PTPRD: variants seen among roughly 807,000 people sequenced by gnomAD.
PTPRD encodes protein tyrosine phosphatase receptor type D.
A neutral mutation model predicts 214.5 loss-of-function variants in PTPRD; 34 were observed. The ratio of observed to expected loss-of-function variants is 0.16; its 90% CI spans 0.12 to 0.21. The LOEUF (loss-of-function observed/expected upper bound fraction) is 0.21. Among genes scored for constraint, PTPRD ranks in the 10% least tolerant of loss-of-function variants. PTPRD has a pLI of 1.00. For synonymous variants in PTPRD, 1,128 were observed against 845.7 expected (o/e 1.33, Z -5.79); for missense variants, 2,545 against 2,398.7 (o/e 1.06, Z -1.27).
chr9:9,972,075 G>A (rs1247372154), intron 4 of PTPRD, among the ~76,000 whole-genome samples: 2 of 152,014 alleles, frequency 1.3e-5, no homozygotes, highest in Non-Finnish European at 2.9e-5. Flanking sequence ...AGCCACAGTT[G>A]CAGCATTTGA....
intron 5 of PTPRD, among the ~76,000 whole-genome samples, chr9:9,872,589 C>G (rs969047703): frequency 6.6e-6 from 1 of 151,926 alleles, no homozygotes; most frequent in Non-Finnish European, 1.5e-5. Context: ...GGCCCTGTGT[C>G]AAAACAACCA....
At chr9:8,616,377 A>G (rs2095612957) in intron 14 of PTPRD, among the ~76,000 whole-genome samples, 1 of 152,098 alleles carries the variant, frequency 6.6e-6, no homozygotes, top group South Asian at 2.1e-4. Flanking sequence ...TCATAACTTC[A>G]TTTTGCACTA....
intron 11 of PTPRD, among the ~76,000 whole-genome samples, chr9:8,971,367 A>G (rs941108311): frequency 6.6e-6 from 1 of 151,816 alleles, no homozygotes; most frequent in Non-Finnish European, 1.5e-5. Context: ...CTGCCTGTTC[A>G]AAGTCAATAT....
chr9:10,133,634 C>A (rs1196076296), intron 3 of PTPRD, among the ~76,000 whole-genome samples: 1 of 151,830 alleles, frequency 6.6e-6, no homozygotes, highest in African/African-American at 2.4e-5. Context: ...AACTATAAGT[C>A]CACCATAATA....
intron 8 of PTPRD, among the ~76,000 whole-genome samples, chr9:9,532,816 T>C (rs1324076439): frequency 2.0e-5 from 3 of 152,140 alleles, no homozygotes; most frequent in Non-Finnish European, 4.4e-5. Context: ...AAAAAAGTAC[T>C]TACAACTGTC....
intron 43 of PTPRD, among the ~76,000 whole-genome samples, chr9:8,335,025 T>C (rs1845205241): frequency 6.6e-6 from 1 of 152,018 alleles, no homozygotes; most frequent in Non-Finnish European, 1.5e-5. Context: ...ATTAATAGCC[T>C]AGCAACCAAA....
chr9:9,913,275 C>G (rs957843850), intron 5 of PTPRD, among the ~76,000 whole-genome samples: 1 of 152,056 alleles, frequency 6.6e-6, no homozygotes, highest in African/African-American at 2.4e-5. Context: ...GATAAGGAGT[C>G]TTGATATTAG....
chr9:10,092,902 C>T (rs2098446620), intron 3 of PTPRD, among the ~76,000 whole-genome samples: 2 of 151,376 alleles, frequency 1.3e-5, no homozygotes, highest in Non-Finnish European at 3.0e-5. Context: ...CCGCCATATA[C>T]AGACGAATGA....
intron 10 of PTPRD, among the ~76,000 whole-genome samples, chr9:9,105,690 T>A (rs944777469): frequency 1.3e-5 from 2 of 152,106 alleles, no homozygotes; most frequent in African/African-American, 2.4e-5. Context: ...GGAGAGTGGA[T>A]TAAACATACT....
intron 4 of PTPRD, among the ~76,000 whole-genome samples, chr9:10,025,487 T>C (rs566966699): frequency 6.6e-6 from 1 of 151,804 alleles, no homozygotes; most frequent in East Asian, 1.9e-4. Flanking sequence ...TACAAACCAT[T>C]AGACAGCCAG....
intron 3 of PTPRD, among the ~76,000 whole-genome samples, chr9:10,093,244 A>T: frequency 6.6e-6 from 1 of 151,654 alleles, no homozygotes; most frequent in Non-Finnish European, 1.5e-5. Flanking sequence ...AACTTAAATC[A>T]ACAAGCAAAA....
At chr9:9,038,901 G>T (rs1034227196) in intron 10 of PTPRD, among the ~76,000 whole-genome samples, 14 of 151,988 alleles carry the variant, frequency 9.2e-5, no homozygotes, top group Non-Finnish European at 1.9e-4. Flanking sequence ...CTCCCAGGAA[G>T]GTTTTTTGTT....
intron 10 of PTPRD, among the ~76,000 whole-genome samples, chr9:9,150,374 T>C (rs2099875652): frequency 6.7e-6 from 1 of 150,342 alleles, no homozygotes; most frequent in Non-Finnish European, 1.5e-5. Context: ...GCACAGTCTT[T>C]TACATCATGG....
intron 3 of PTPRD, among the ~76,000 whole-genome samples, chr9:10,174,630 T>A (rs2099235056): frequency 6.6e-6 from 1 of 152,102 alleles, no homozygotes; most frequent in African/African-American, 2.4e-5. Context: ...AATTTAAATT[T>A]TTTTACATTT....
intron 11 of PTPRD, among the ~76,000 whole-genome samples, chr9:8,933,894 A>G (rs1403133155): frequency 1.3e-5 from 2 of 152,170 alleles, no homozygotes; most frequent in African/African-American, 2.4e-5. Flanking sequence ...CAAATCTAGT[A>G]TTCCTTCTGG....
chr9:8,504,252 G>A lies in PTPRD; in HGVS notation c.1822+9C>T, dbSNP rs2137212739. 1 of 1,613,854 alleles carries A rather than the reference G, an allele frequency of 6.2e-7. No individual in the cohort carries two copies. Among genetic ancestry groups the A allele is most frequent in the Non-Finnish European group, 8.5e-7 (1 of 1,179,888 alleles). On this transcript the variant is annotated intron_variant, in intron 23 of 45. Coordinates refer to ENST00000381196, the MANE Select transcript of PTPRD (RefSeq NM_002839.4). ...AAAAGGCAGAAAGTAAGCAAAGAGA[G>A]ACACCTACTTGACTGCATGGTTCTA...
intron 4 of PTPRD, among the ~76,000 whole-genome samples, chr9:9,960,993 G>A: frequency 6.6e-6 from 1 of 152,100 alleles, no homozygotes; most frequent in Admixed American, 6.5e-5. Flanking sequence ...ATCAACAAGT[G>A]GGTGAAAGAT....
At chr9:8,474,084 T>C (rs1016338721) in intron 30 of PTPRD, among the ~76,000 whole-genome samples, 3 of 152,150 alleles carry the variant, frequency 2.0e-5, no homozygotes, top group Non-Finnish European at 4.4e-5. Context: ...GCTGTGGATC[T>C]ATCCCTCCTC....
intron 9 of PTPRD, among the ~76,000 whole-genome samples, chr9:9,268,411 A>T (rs1217504257): frequency 1.3e-5 from 2 of 151,282 alleles, no homozygotes; most frequent in Admixed American, 6.6e-5. Flanking sequence ...TTGAAAAAAA[A>T]ATCATTATTG....
Sources: allele counts gnomAD v4.1 joint callset (sites outside exome capture counted in the v4.1 genomes callset), GRCh38; gene constraint gnomAD v4.1.1; transcripts MANE v1.5; gene names NCBI Gene and HGNC (gene_info 2026-07-23, HGNC 2026-07-21).